The following PPP1R1C variants were observed in gnomAD, a reference collection of about 807,000 sequenced individuals.
PPP1R1C encodes protein phosphatase 1 regulatory subunit 1C.
Under a neutral mutation model 17.4 loss-of-function variants are expected in PPP1R1C, and 15 were observed. The observed-to-expected ratio is 0.86, with a 90% CI of 0.58 to 1.33. The LOEUF is 1.33. Ranked by LOEUF, PPP1R1C falls within the 40% of genes most tolerant of loss-of-function variation. The pLI is 0.00. For synonymous variants in PPP1R1C, 35 were observed against 43.1 expected (o/e 0.81, Z 0.73); for missense variants, 143 against 130.0 (o/e 1.10, Z -0.48).
chr2:182,090,077 A>T (rs1038973681), intron 4 of PPP1R1C, among the ~76,000 whole-genome samples: 18 of 152,178 alleles, frequency 1.2e-4, no homozygotes, highest in Non-Finnish European at 2.1e-4. Flanking sequence ...TCTCTCAAGA[A>T]ATAGATTCAT....
chr2:182,056,142 C>T (rs1687678380), intron 2 of PPP1R1C, among the ~76,000 whole-genome samples: 1 of 152,180 alleles, frequency 6.6e-6, no homozygotes, highest in East Asian at 1.9e-4. Flanking sequence ...TCTCCCGTCT[C>T]GCTAGATACA....
At chr2:181,988,222 T>C (rs1178489994) in intron 2 of PPP1R1C, among the ~76,000 whole-genome samples, 2 of 152,264 alleles carry the variant, frequency 1.3e-5, no homozygotes, top group African/African-American at 2.4e-5. Flanking sequence ...GAAAGCTGTT[T>C]AATTAGGTTT....
At chr2:182,014,185 G>C (rs749559342) in intron 2 of PPP1R1C, among the ~76,000 whole-genome samples, 2 of 152,088 alleles carry the variant, frequency 1.3e-5, no homozygotes, top group African/African-American at 2.4e-5. Flanking sequence ...TCTTGAGAAG[G>C]CTTTCCAAGT....
downstream of PPP1R1C, chr2:182,117,991 T>G (rs1689637697): frequency 6.6e-6 from 1 of 152,160 alleles, no homozygotes; most frequent in African/African-American, 2.4e-5. Context: ...AGAAGAATGA[T>G]AAATCCAAAA....
chr2:182,063,442 T>C (rs1687901075), intron 3 of PPP1R1C, among the ~76,000 whole-genome samples: 1 of 152,110 alleles, frequency 6.6e-6, no homozygotes, highest in South Asian at 2.1e-4. Context: ...CTTTTTCTCT[T>C]TCTTTTTAAA....
At chr2:181,988,701 A>T (rs191410700) in intron 2 of PPP1R1C, among the ~76,000 whole-genome samples, 1 of 152,338 alleles carries the variant, frequency 6.6e-6, no homozygotes, top group East Asian at 1.9e-4. Context: ...AAACAGTGGA[A>T]ACATAATATG....
intron 4 of PPP1R1C, among the ~76,000 whole-genome samples, chr2:182,095,449 T>G (rs1688905234): frequency 6.6e-6 from 1 of 152,236 alleles, no homozygotes; most frequent in Non-Finnish European, 1.5e-5. Flanking sequence ...CATATGGTCG[T>G]CATTTACAAA....
intron 2 of PPP1R1C, among the ~76,000 whole-genome samples, chr2:182,009,572 G>A (rs1361931434): frequency 6.6e-6 from 1 of 151,966 alleles, no homozygotes; most frequent in Non-Finnish European, 1.5e-5. Flanking sequence ...CCCATTCGGT[G>A]GGGGTGTCTA....
intron 4 of PPP1R1C, among the ~76,000 whole-genome samples, chr2:182,088,232 G>A (rs953661653): frequency 3.3e-5 from 5 of 152,084 alleles, no homozygotes; most frequent in African/African-American, 1.2e-4. Context: ...TCCCTCTGTG[G>A]TTTGCTGGGA....
At chr2:181,979,865 T>C (rs1003987644) in intron 2 of PPP1R1C, among the ~76,000 whole-genome samples, 7 of 152,212 alleles carry the variant, frequency 4.6e-5, no homozygotes, top group African/African-American at 1.7e-4. Context: ...GCTGAATATC[T>C]TTATTTTTGT....
chr2:182,124,906 CCTGGCCAGAT>C (rs1689837494), intron 5 of PPP1R1C, among the ~76,000 whole-genome samples: 2 of 151,996 alleles, frequency 1.3e-5, no homozygotes, highest in African/African-American at 4.8e-5. Context: ...GCCTGATTGC[CCTGGCCAGAT>C]CTTCCAATAC....
chr2:181,959,038 A>T (rs1574338237), intron 1 of PPP1R1C, among the ~76,000 whole-genome samples: 1 of 152,364 alleles, frequency 6.6e-6, no homozygotes, highest in South Asian at 2.1e-4. Context: ...AAGCGTTAGT[A>T]TAATAGATAT....
At chr2:182,004,399 G>C (rs1460370824) in intron 2 of PPP1R1C, among the ~76,000 whole-genome samples, 1 of 152,120 alleles carries the variant, frequency 6.6e-6, no homozygotes, top group Non-Finnish European at 1.5e-5. Flanking sequence ...GATGGAGTTT[G>C]TGATGGCAGA....
intron 2 of PPP1R1C, among the ~76,000 whole-genome samples, chr2:181,989,698 C>T (rs901235118): frequency 1.3e-5 from 2 of 152,092 alleles, no homozygotes; most frequent in Non-Finnish European, 2.9e-5. Flanking sequence ...GGCATTGTCC[C>T]TTTTCTCTAA....
intron 2 of PPP1R1C, among the ~76,000 whole-genome samples, chr2:182,033,847 T>TAA (rs974968990): frequency 6.6e-6 from 1 of 152,208 alleles, no homozygotes; most frequent in African/African-American, 2.4e-5. Context: ...ATCTCATCCT[T>TAA]ACGCTAAATC....
intron 2 of PPP1R1C, among the ~76,000 whole-genome samples, chr2:182,019,311 G>C (rs1049971672): frequency 1.3e-5 from 2 of 152,144 alleles, no homozygotes; most frequent in Non-Finnish European, 2.9e-5. Context: ...CCCATGCAAA[G>C]TACTTTCTCT....
intron 4 of PPP1R1C, among the ~76,000 whole-genome samples, chr2:182,092,958 T>C (rs989060019): frequency 2.6e-5 from 4 of 152,166 alleles, no homozygotes; most frequent in Admixed American, 6.5e-5. Context: ...TGAAGGACGG[T>C]GGCCCTCTTC....
chr2:182,100,151 G>C (rs1030018079), intron 4 of PPP1R1C, among the ~76,000 whole-genome samples: 3 of 152,062 alleles, frequency 2.0e-5, no homozygotes, highest in Non-Finnish European at 4.4e-5. Context: ...GAAGAAAAAA[G>C]TACTTAAGTT....
chr2:182,096,688 C>G (rs200906413), intron 4 of PPP1R1C, among the ~76,000 whole-genome samples: 1 of 72,762 alleles, frequency 1.4e-5, no homozygotes, highest in South Asian at 4.1e-4. Context: ...AGATGATTAA[C>G]ATGGCTGGTT....
Sources: gnomAD v4.1 joint callset for allele counts (sites outside exome capture counted in the v4.1 genomes callset) on GRCh38, gnomAD v4.1.1 for gene constraint, MANE v1.5 for transcripts, NCBI Gene and HGNC (gene_info 2026-07-23, HGNC 2026-07-21) for gene names.